TMEM259: variants seen among roughly 807,000 people sequenced by gnomAD.
TMEM259 encodes the protein membralin.
TMEM259 carries 26 observed loss-of-function variants against 46.7 expected under a neutral mutation model. The observed-to-expected ratio is 0.56, with a 90% CI of 0.41 to 0.77. The LOEUF (loss-of-function observed/expected upper bound fraction) is 0.77. Ranked by LOEUF, TMEM259 falls within the 30% of genes least tolerant of loss-of-function variation. The pLI is 0.00. For missense variants in TMEM259, 930 were observed against 900.5 expected (o/e 1.03, Z -0.42); for synonymous variants, 494 against 395.1 (o/e 1.25, Z -2.97).
intron 1 of TMEM259, among the ~76,000 whole-genome samples, chr19:1,018,059 C>T (rs2145609342): frequency 6.6e-6 from 1 of 152,318 alleles, no homozygotes; most frequent in South Asian, 2.1e-4. Flanking sequence ...GGCCCCTGCC[C>T]ATGTCCAGGG....
chr19:1,016,955 C>T (rs1336281995), intron 1 of TMEM259, among the ~76,000 whole-genome samples: 11 of 152,204 alleles, frequency 7.2e-5, no homozygotes, highest in Admixed American at 2.6e-4. Context: ...ATGACTCAGA[C>T]GTCACTGTGT....
intron 1 of TMEM259, among the ~76,000 whole-genome samples, chr19:1,017,097 C>G (rs2039136184): frequency 6.6e-6 from 1 of 152,116 alleles, no homozygotes; most frequent in Non-Finnish European, 1.5e-5. Context: ...AGTCTCCCAC[C>G]ACAAAACAAG....
intron 3 of TMEM259, among the ~76,000 whole-genome samples, chr19:1,013,006 G>A (rs2038988236): frequency 6.6e-6 from 1 of 152,182 alleles, no homozygotes; most frequent in Non-Finnish European, 1.5e-5. Context: ...TCCCCTCCAA[G>A]TCGCCGTTCA....
rs78204382 is a variant in TMEM259, at chr19:1,014,487, G to A, written c.226-14C>T. 0.021 allele frequency: 33,396 copies of A among 1,599,496 alleles called. 611 individuals carry two copies. The highest frequency in any genetic ancestry group is 0.1 in the East Asian group (4,472 of 44,510). ...CACAAACAGGGCCTAGGGGGCGGCCGGCAGTCAGTGGGGCGCCCCAGGGCC... is the reference window on the plus strand; with the variant it reads ...CACAAACAGGGCCTAGGGGGCGGCCAGCAGTCAGTGGGGCGCCCCAGGGCC... On this transcript the variant is annotated splice_polypyrimidine_tract_variant and intron_variant, in intron 1 of 10. Transcript: ENST00000356663.
intron 1 of TMEM259, among the ~76,000 whole-genome samples, chr19:1,018,168 T>C (rs1035991371): frequency 2.0e-5 from 3 of 152,152 alleles, no homozygotes; most frequent in African/African-American, 4.8e-5. Context: ...TGCCCCAAGA[T>C]GGACAGTCTC....
At position 1,010,854 on chromosome 19, in the gene TMEM259, G is replaced by A. The variant is rs1170635798; in HGVS notation, c.1359C>T (p.Ala453=). The A allele has an allele frequency of 6.3e-7, 1 of 1,594,724 alleles. No homozygotes were observed. The highest frequency in any genetic ancestry group is 1.7e-5 in the Admixed American group (1 of 59,740). ...CCTGGATGCGGACCTGCTGCAGGAT[G>A]GCAGGCAGCTCGTAGTGGTGGAAGA... ...IYFFHHYELP[A]ILQQVRIQEM... Residue 453 remains alanine, a synonymous_variant, in exon 11 of 11, where the codon GCC becomes GCT. Coordinates refer to ENST00000356663, the MANE Select transcript of TMEM259 (RefSeq NM_001033026.2).
intron 1 of TMEM259, among the ~76,000 whole-genome samples, chr19:1,018,015 A>G (rs1599489034): frequency 6.6e-6 from 1 of 152,172 alleles, no homozygotes; most frequent in East Asian, 1.9e-4. Context: ...CGACCCCACA[A>G]GAGGAGCCCC....
Position 1,010,636 on chromosome 19 carries a change from G to C in TMEM259, c.1577C>G (p.Ala526Gly). The part of the protein sequence containing the change: ...VAAAPSSLVA[A>G]AASVAAAAGG... ...GGCAGCTGCTGCCACTGAGGCTGCCGCGGCCACCAGGGAGCTGGGCGCCGC... is the reference window on the plus strand; with the variant it reads ...GGCAGCTGCTGCCACTGAGGCTGCCCCGGCCACCAGGGAGCTGGGCGCCGC... Residue 526 changes from alanine to glycine, a missense_variant, in exon 11 of 11, where the codon GCG (alanine) becomes GGG (glycine). Coordinates refer to ENST00000356663, the MANE Select transcript of TMEM259 (RefSeq NM_001033026.2). 6.5e-7 allele frequency: 1 copy of C among 1,543,942 alleles called. No individual in the cohort carries two copies. Among genetic ancestry groups the C allele is most frequent in the East Asian group, 2.4e-5 (1 of 41,156 alleles).
At chr19:1,015,253 A>G (rs1188838826) in intron 1 of TMEM259, among the ~76,000 whole-genome samples, 1 of 152,318 alleles carries the variant, frequency 6.6e-6, no homozygotes, top group South Asian at 2.1e-4. Context: ...GGGTGCCAGC[A>G]GCTCTCACCT....
At position 1,011,723 on chromosome 19, in the gene TMEM259, C is replaced by T. The variant is rs772252934; in HGVS notation, c.1000+18G>A. 20 of 1,536,282 alleles carry T rather than the reference C, an allele frequency of 1.3e-5. No individual in the cohort carries two copies. The highest frequency in any genetic ancestry group is 1.2e-4 in the Admixed American group (6 of 48,790). ...CCTGGAGGACGCCCGCCCCGCCCTG[C>T]GCCGGCGGGACACTCACCGATGAAG... On this transcript the variant is annotated intron_variant, in intron 7 of 10. Coordinates refer to ENST00000356663, the MANE Select transcript of TMEM259 (RefSeq NM_001033026.2).
chr19:1,011,607 G>A lies in TMEM259; in HGVS notation c.1057C>T (p.Leu353=). 1 of 1,545,630 alleles carries A rather than the reference G, an allele frequency of 6.5e-7. No homozygotes were observed. Among genetic ancestry groups the A allele is most frequent in the African/African-American group, 1.4e-5 (1 of 73,094 alleles). Residue 353 remains leucine (L), a synonymous_variant, in exon 8 of 11, where the codon CTG becomes TTG. Transcript: ENST00000356663. The part of the protein sequence containing the change: ...NMAIAFPAAP[L]LTVILALVGM... ...ACGAGGGCCAGGATGACGGTCAGCA[G>A]GGGCGCTGCGGGGAAGGCGATGGCC...
Position 1,013,343 on chromosome 19 carries a change from G to A in TMEM259, c.508-3C>T, listed in dbSNP as rs1458629975. On this transcript the variant is annotated splice_polypyrimidine_tract_variant and splice_region_variant and intron_variant, in intron 2 of 10. Transcript: ENST00000356663. Reference sequence around the variant, plus strand: ...TTGGGCTCGATGTCCAGCTCAAACTGTGGGCGACCAGGGACCTGGGTGTCA... The same window carrying A: ...TTGGGCTCGATGTCCAGCTCAAACTATGGGCGACCAGGGACCTGGGTGTCA... 1 of 1,613,328 alleles carries A rather than the reference G, an allele frequency of 6.2e-7. No individual in the cohort carries two copies. The highest frequency in any genetic ancestry group is 8.5e-7 in the Non-Finnish European group (1 of 1,179,556).
intron 1 of TMEM259, among the ~76,000 whole-genome samples, chr19:1,014,757 G>A (rs1044990028): frequency 5.3e-5 from 8 of 152,202 alleles, no homozygotes; most frequent in Non-Finnish European, 1.0e-4. Context: ...AGGCCCTGGG[G>A]CTTCGGCAAG....
Position 1,020,835 on chromosome 19 carries a change from G to A in TMEM259, c.162C>T (p.Val54=). The part of the protein sequence containing the change: ...LFHALFFKMA[V]TYSRLFPPAF... Reference sequence around the variant, plus strand: ...CGGGCGGGAAGAGCCGCGAATAGGTGACAGCCATCTTGAAGAACAGCGCGT... The same window carrying A: ...CGGGCGGGAAGAGCCGCGAATAGGTAACAGCCATCTTGAAGAACAGCGCGT... Residue 54 remains valine, a synonymous_variant, in exon 1 of 11, where the codon GTC becomes GTT. Coordinates refer to ENST00000356663, the MANE Select transcript of TMEM259 (RefSeq NM_001033026.2). The surrounding 1 kb of genome is among the most constrained non-coding windows in gnomAD (Gnocchi z 4.0). 1 of 1,378,968 alleles carries A rather than the reference G, an allele frequency of 7.3e-7. No homozygotes were observed. The highest frequency in any genetic ancestry group is 1.9e-4 in the Middle Eastern group (1 of 5,190). The allele number at this position is 1,378,968 out of a possible 1,614,324, so 85.4% of individuals were successfully genotyped here.
rs1246595709 is a variant in TMEM259, at chr19:1,020,188, C to G, written c.225+584G>C. The stretch of plus-strand genomic sequence containing the variant: ...GAGGTGACCTCAGCTAAGTCACATT[C>G]CCCTGAGGCTCAGGAGCGGGGAACG... On this transcript the variant is annotated intron_variant, in intron 1 of 10. Transcript: ENST00000356663. This position sits in a 1 kb window ranked among gnomAD's most constrained non-coding sequence, Gnocchi z 4.0. Among the ~76,000 whole-genome samples, 1 of 140,174 alleles carries G rather than the reference C, an allele frequency of 7.1e-6. No individual in the cohort carries two copies. The highest frequency in any genetic ancestry group is 2.0e-4 in the East Asian group (1 of 5,100). The allele number at this position is 140,174 out of a possible 152,430, so 92.0% of individuals were successfully genotyped here.
At chr19:1,011,840 G>C in intron 6 of TMEM259, 42 bp from the exon 7 acceptor site, 2 of 1,590,872 alleles carry the variant, frequency 1.3e-6, no homozygotes, top group East Asian at 2.3e-5. Flanking sequence ...GGCTGCGAGG[G>C]CCTGCTTGGC....
chr19:1,011,212 G>A lies in TMEM259; in HGVS notation c.1218-17C>T. The stretch of plus-strand genomic sequence containing the variant: ...TAGAAGAACCTGCGGGGCGGGGTGA[G>A]GGCGTCGGGGCTGCAGGTCCCACCC... On this transcript the variant is annotated splice_polypyrimidine_tract_variant and intron_variant, in intron 9 of 10. Coordinates refer to ENST00000356663, the MANE Select transcript of TMEM259 (RefSeq NM_001033026.2). 1.3e-6 allele frequency: 2 copies of A among 1,572,074 alleles called. No individual in the cohort carries two copies. The highest frequency in any genetic ancestry group is 1.2e-5 in the South Asian group (1 of 86,870).
chr19:1,016,106 C>G (rs1272237333), intron 1 of TMEM259, among the ~76,000 whole-genome samples: 1 of 151,306 alleles, frequency 6.6e-6, no homozygotes, highest in Non-Finnish European at 1.5e-5. Flanking sequence ...AAGGCTGGCC[C>G]GGCGCTGAGA....
chr19:1,014,689 C>T (rs979100228), intron 1 of TMEM259, among the ~76,000 whole-genome samples: 3 of 152,184 alleles, frequency 2.0e-5, no homozygotes, highest in African/African-American at 4.8e-5. Flanking sequence ...ACTGAGGATC[C>T]GGGGGACGCC....
Sources: allele counts gnomAD v4.1 joint callset (sites outside exome capture counted in the v4.1 genomes callset), GRCh38; gene constraint gnomAD v4.1.1; non-coding constraint Gnocchi (gnomAD v3.1); transcripts MANE v1.5; gene names NCBI Gene and HGNC (gene_info 2026-07-23, HGNC 2026-07-21).